Variants in RARB observed in about 807,000 individuals in gnomAD.
The protein encoded by RARB is retinoic acid receptor beta.
In RARB, 17 loss-of-function variants were observed where a neutral mutation model predicts 51.9. That is an observed-to-expected ratio of 0.33 (90% CI 0.22 to 0.49). RARB has a LOEUF of 0.49. Among genes scored for constraint, RARB ranks in the 20% least tolerant of loss-of-function variants. The pLI is 0.99. For synonymous variants in RARB, 215 were observed against 195.4 expected (o/e 1.10, Z -0.84); for missense variants, 369 against 550.8 (o/e 0.67, Z 3.30).
intron 3 of RARB, among the ~76,000 whole-genome samples, chr3:25,073,703 G>C (rs994267): frequency 0.89 from 135,527 of 152,260 alleles, 60,647 homozygotes; most frequent in African/African-American, 0.98. Context: ...AAGTGAAAAT[G>C]CTAGGGGAAC....
rs74758502 is a variant in RARB, at chr3:24,963,944, C to T, written c.-379-96181C>T. ...AGCCTTTTCCAGAGTTTTAGTGAAT[C>T]GCCTTGTATATAATCTTGACCAGCA... On this transcript the variant is annotated intron_variant, in intron 2 of 11. Transcript: ENST00000383772. Among the ~76,000 whole-genome samples the T allele has an allele frequency of 3.3e-3, 501 of 152,160 alleles. 4 individuals carry two copies. The highest frequency in any genetic ancestry group is 0.011 in the African/African-American group (462 of 41,516).
At chr3:25,362,441 A>T (rs960099895) in intron 5 of RARB, among the ~76,000 whole-genome samples, 1 of 152,156 alleles carries the variant, frequency 6.6e-6, no homozygotes, top group Non-Finnish European at 1.5e-5. Context: ...GAGCAAGACC[A>T]CTTGGCTCCC....
intron 3 of RARB, among the ~76,000 whole-genome samples, chr3:25,117,167 C>G (rs1445323530): frequency 6.6e-6 from 1 of 152,082 alleles, no homozygotes; most frequent in Non-Finnish European, 1.5e-5. Flanking sequence ...AGATAGAGCC[C>G]GCGTCCTACA....
At chr3:25,049,173 A>C (rs1698277605) in intron 2 of RARB, among the ~76,000 whole-genome samples, 1 of 152,226 alleles carries the variant, frequency 6.6e-6, no homozygotes, top group South Asian at 2.1e-4. Context: ...GAAGTATCTC[A>C]ATAGAAGCAG....
intron 4 of RARB, among the ~76,000 whole-genome samples, chr3:25,579,427 T>TC (rs1460102125): frequency 1.3e-5 from 2 of 152,258 alleles, no homozygotes; most frequent in Non-Finnish European, 2.9e-5. Flanking sequence ...ACTATAGTTT[T>TC]GCCTTTTCCA....
intron 2 of RARB, among the ~76,000 whole-genome samples, chr3:25,016,743 C>G (rs1289890067): frequency 6.6e-6 from 1 of 151,924 alleles, no homozygotes; most frequent in African/African-American, 2.4e-5. Flanking sequence ...CAGGATATGC[C>G]AAGCCACAGA....
chr3:25,497,177 G>T (rs554080990), intron 2 of RARB, among the ~76,000 whole-genome samples: 1 of 152,166 alleles, frequency 6.6e-6, no homozygotes, highest in Non-Finnish European at 1.5e-5. Flanking sequence ...GAGCCACCGC[G>T]CCTGGCCGAA....
chr3:25,222,525 ACAATGATGCCACTC>A (rs1701969308), intron 5 of RARB, among the ~76,000 whole-genome samples: 1 of 152,190 alleles, frequency 6.6e-6, no homozygotes, highest in Non-Finnish European at 1.5e-5. Context: ...AAAAACTTAC[ACAATGATGCCACTC>A]CAATAAATAG....
chr3:25,439,092 T>G (rs1329009462), intron 1 of RARB, among the ~76,000 whole-genome samples: 2 of 152,206 alleles, frequency 1.3e-5, no homozygotes, highest in Admixed American at 6.5e-5. Flanking sequence ...CTTTTCATGT[T>G]ACTCTAGTTT....
intron 5 of RARB, among the ~76,000 whole-genome samples, chr3:25,220,733 G>A (rs749631174): frequency 6.6e-6 from 1 of 152,182 alleles, no homozygotes; most frequent in Non-Finnish European, 1.5e-5. Context: ...ATACAGAACT[G>A]TGAATCAATT....
intron 5 of RARB, chr3:25,174,585 G>C: frequency 7.4e-7 from 1 of 1,351,934 alleles, no homozygotes; most frequent in East Asian, 4.6e-5. Context: ...AGTAAGTCCT[G>C]CTGGAATTTG....
chr3:25,062,418 A>G (rs1698568381), intron 3 of RARB, among the ~76,000 whole-genome samples: 1 of 151,910 alleles, frequency 6.6e-6, no homozygotes, highest in Admixed American at 6.6e-5. Flanking sequence ...GAAATTGACC[A>G]GTATCTATTA....
intron 2 of RARB, among the ~76,000 whole-genome samples, chr3:24,891,553 AC>A (rs1331008856): frequency 2.6e-5 from 4 of 151,952 alleles, no homozygotes; most frequent in African/African-American, 9.7e-5. Flanking sequence ...TTGCTTACCC[AC>A]CCCCATCTCT....
At chr3:25,244,147 A>T (rs957288323) in intron 5 of RARB, among the ~76,000 whole-genome samples, 3 of 152,142 alleles carry the variant, frequency 2.0e-5, no homozygotes, top group Non-Finnish European at 4.4e-5. Context: ...CTGTGGGATC[A>T]GTGGTGATAT....
intron 3 of RARB, among the ~76,000 whole-genome samples, chr3:25,531,822 G>A (rs1260626159): frequency 1.3e-5 from 2 of 151,964 alleles, no homozygotes; most frequent in East Asian, 3.9e-4. Flanking sequence ...TTTGAGAGGG[G>A]CAAAGAAGAG....
chr3:25,291,637 C>G (rs2125422054), intron 5 of RARB, among the ~76,000 whole-genome samples: 1 of 152,150 alleles, frequency 6.6e-6, no homozygotes, highest in East Asian at 1.9e-4. Flanking sequence ...AAACATAAAT[C>G]AAGGAAATGG....
chr3:24,923,417 T>C (rs751896180), intron 2 of RARB, among the ~76,000 whole-genome samples: 8 of 152,078 alleles, frequency 5.3e-5, no homozygotes, highest in Non-Finnish European at 1.2e-4. Context: ...GTATAATTAG[T>C]GATGTACTAA....
At chr3:24,896,827 A>T (rs1009804724) in intron 2 of RARB, among the ~76,000 whole-genome samples, 2 of 152,170 alleles carry the variant, frequency 1.3e-5, no homozygotes, top group African/African-American at 4.8e-5. Context: ...ATGGAAAAAT[A>T]GATCTCTATT....
chr3:25,260,070 T>C (rs1310269507), intron 5 of RARB: 1 of 854,912 alleles, frequency 1.2e-6, no homozygotes, highest in Non-Finnish European at 1.4e-6. Context: ...CTGGTTTTCT[T>C]GGGCACAAGG....
Sources: gnomAD v4.1 joint callset for allele counts (sites outside exome capture counted in the v4.1 genomes callset) on GRCh38, gnomAD v4.1.1 for gene constraint, MANE v1.5 for transcripts, NCBI Gene and HGNC (gene_info 2026-07-23, HGNC 2026-07-21) for gene names.